STPG2: variants seen among roughly 807,000 people sequenced by gnomAD.
STPG2 encodes sperm tail PG-rich repeat containing 2.
Under a neutral mutation model 54.2 loss-of-function variants are expected in STPG2, and 56 were observed. That is an observed-to-expected ratio of 1.03 (90% confidence interval 0.83 to 1.29). The LOEUF (loss-of-function observed/expected upper bound fraction) is 1.29, where lower values mean the gene tolerates loss of function less well. Ranked by LOEUF, STPG2 falls within the 50% of genes most tolerant of loss-of-function variation. The pLI is 0.00. For synonymous variants in STPG2, 200 were observed against 181.8 expected, an observed-to-expected ratio of 1.10 and a Z score of -0.81; for missense variants, 596 against 544.9, an observed-to-expected ratio of 1.09 and a Z score of -0.93.
intron 9 of STPG2, among the ~76,000 whole-genome samples, chr4:97,713,243 A>G (rs1348933340): frequency 6.6e-6 from 1 of 152,172 alleles, no homozygotes; most frequent in Non-Finnish European, 1.5e-5. Flanking sequence ...GGAAATCAAG[A>G]CGCAAAGATG....
intron 10 of STPG2, among the ~76,000 whole-genome samples, chr4:97,705,904 T>A (rs1022680041): frequency 6.6e-5 from 10 of 152,000 alleles, no homozygotes; most frequent in African/African-American, 2.2e-4. Context: ...ATAACATATA[T>A]AACATATCTA....
intron 10 of STPG2, among the ~76,000 whole-genome samples, chr4:97,688,780 A>G (rs1235658759): frequency 6.6e-6 from 1 of 152,228 alleles, no homozygotes; most frequent in Non-Finnish European, 1.5e-5. Context: ...AAGAAAATAA[A>G]GATTAACTAT....
intron 8 of STPG2, among the ~76,000 whole-genome samples, chr4:97,942,495 C>G (rs1420758856): frequency 7.3e-5 from 11 of 151,542 alleles, no homozygotes; most frequent in Admixed American, 7.2e-4. Flanking sequence ...TTTAAACTGT[C>G]TTTTGAATTT....
intron 9 of STPG2, among the ~76,000 whole-genome samples, chr4:97,761,698 T>TA (rs1725894857): frequency 6.6e-6 from 1 of 152,144 alleles, no homozygotes; most frequent in Non-Finnish European, 1.5e-5. Context: ...GGAGAAGTGA[T>TA]AAAAATAGAG....
intron 9 of STPG2, among the ~76,000 whole-genome samples, chr4:97,783,720 A>AC (rs1268356635): frequency 6.6e-6 from 1 of 152,200 alleles, no homozygotes; most frequent in South Asian, 2.1e-4. Flanking sequence ...TGTGGCACAT[A>AC]CCCCATGGAA....
At chr4:97,523,384 A>G (rs1731220971) in intron 4 of STPG2, among the ~76,000 whole-genome samples, 1 of 151,954 alleles carries the variant, frequency 6.6e-6, no homozygotes, top group Non-Finnish European at 1.5e-5. Flanking sequence ...TAATTATTAT[A>G]TAAAGGCCTA....
intron 9 of STPG2, among the ~76,000 whole-genome samples, chr4:97,760,082 C>T (rs972665550): frequency 2.0e-5 from 3 of 152,138 alleles, no homozygotes; most frequent in Non-Finnish European, 2.9e-5. Context: ...TATGGGCTAT[C>T]GCTCAAACAG....
At chr4:97,600,314 T>C (rs1733425326) in intron 10 of STPG2, among the ~76,000 whole-genome samples, 1 of 152,204 alleles carries the variant, frequency 6.6e-6, no homozygotes, top group African/African-American at 2.4e-5. Context: ...AAATCATTTT[T>C]CCCTTGTACC....
intron 9 of STPG2, among the ~76,000 whole-genome samples, chr4:97,797,224 G>A (rs1314305777): frequency 2.0e-5 from 3 of 152,136 alleles, no homozygotes; most frequent in Non-Finnish European, 4.4e-5. Context: ...CCAACACTAT[G>A]TTGAATAGGA....
intron 8 of STPG2, among the ~76,000 whole-genome samples, chr4:97,909,527 G>A (rs1731595567): frequency 1.3e-5 from 2 of 151,926 alleles, no homozygotes; most frequent in Admixed American, 1.3e-4. Flanking sequence ...ACAGACCAAT[G>A]CATCCCACAA....
At chr4:98,131,735 A>G (rs1470464426) in intron 2 of STPG2, among the ~76,000 whole-genome samples, 1 of 152,132 alleles carries the variant, frequency 6.6e-6, no homozygotes, top group Non-Finnish European at 1.5e-5. Flanking sequence ...TTCTAAACAT[A>G]CCACATACTA....
intron 10 of STPG2, among the ~76,000 whole-genome samples, chr4:97,608,076 A>C (rs1294865953): frequency 6.6e-6 from 1 of 152,020 alleles, no homozygotes; most frequent in Non-Finnish European, 1.5e-5. Flanking sequence ...AAGTTAAAGG[A>C]AAAGAGATAG....
intron 8 of STPG2, among the ~76,000 whole-genome samples, chr4:97,867,624 A>G (rs1004286961): frequency 6.6e-6 from 1 of 152,058 alleles, no homozygotes; most frequent in Admixed American, 6.6e-5. Context: ...TTATTACAGT[A>G]TTGACCAAAC....
intron 9 of STPG2, among the ~76,000 whole-genome samples, chr4:97,734,122 G>A (rs1353609197): frequency 6.6e-6 from 1 of 152,120 alleles, no homozygotes; most frequent in Non-Finnish European, 1.5e-5. Flanking sequence ...TCACCATTGA[G>A]TATAATGTTA....
Position 97,571,293 on chromosome 4 carries a change from T to C in STPG2, c.1321-12176A>G, listed in dbSNP as rs116643806. Among the ~76,000 whole-genome samples, 1,383 of 152,096 alleles carry C rather than the reference T, an allele frequency of 9.1e-3. 20 individuals are homozygous for C. The highest frequency in any genetic ancestry group is 0.031 in the African/African-American group (1,284 of 41,516). The stretch of plus-strand genomic sequence containing the variant: ...AGGACTAGTATCCATAAACCAAAAA[T>C]AAAGTTCTAAGGCTCCCCAACCATC... On this transcript the variant is annotated intron_variant, in intron 10 of 10. Transcript: ENST00000295268.
intron 7 of STPG2, among the ~76,000 whole-genome samples, chr4:97,945,520 T>C (rs1733177833): frequency 6.6e-6 from 1 of 152,148 alleles, no homozygotes; most frequent in African/African-American, 2.4e-5. Context: ...ACAATAAACA[T>C]ACACATGCAG....
At chr4:97,738,837 G>T (rs936895355) in intron 9 of STPG2, among the ~76,000 whole-genome samples, 1 of 152,118 alleles carries the variant, frequency 6.6e-6, no homozygotes, top group Non-Finnish European at 1.5e-5. Flanking sequence ...CCCAGGAATT[G>T]AACTCAGCTC....
chr4:97,918,027 T>A (rs1731949805), intron 8 of STPG2, among the ~76,000 whole-genome samples: 1 of 151,904 alleles, frequency 6.6e-6, no homozygotes, highest in South Asian at 2.1e-4. Context: ...ATTTAACAAA[T>A]AAACAATCTT....
At chr4:97,961,086 T>G in intron 7 of STPG2, among the ~76,000 whole-genome samples, 1 of 125,682 alleles carries the variant, frequency 8.0e-6, no homozygotes. Context: ...AACAAAAACA[T>G]AAAATGGAAA....
Sources: allele counts gnomAD v4.1 joint callset (sites outside exome capture counted in the v4.1 genomes callset), GRCh38; gene constraint gnomAD v4.1.1; transcripts MANE v1.5; gene names NCBI Gene and HGNC (gene_info 2026-07-23, HGNC 2026-07-21).